Variants in AEBP2 observed in about 807,000 individuals in gnomAD.
AEBP2 encodes zinc finger protein AEBP2.
In AEBP2, 10 loss-of-function variants were observed where a neutral mutation model predicts 50.8. That is an observed-to-expected ratio of 0.20 (90% CI 0.12 to 0.33). The LOEUF (loss-of-function observed/expected upper bound fraction) is 0.33, where lower values mean the gene tolerates loss of function less well. AEBP2 is among the 10% of genes least tolerant of loss of function. The probability of loss-of-function intolerance (pLI) is 1.00; values close to 1 mark genes in which losing one functional copy is unlikely to be tolerated. For missense variants in AEBP2, 570 were observed against 688.0 expected (o/e 0.83, Z 1.92); for synonymous variants, 296 against 261.3 (o/e 1.13, Z -1.28).
In AEBP2 at chr12:19,521,379, G is replaced by C. The variant is rs775633634; in HGVS notation, c.*3262G>C. On this transcript the variant is annotated 3_prime_UTR_variant, in exon 8 of 8. Coordinates refer to ENST00000266508, the MANE Select transcript of AEBP2 (RefSeq NM_153207.5). Reference sequence around the variant, plus strand: ...CGGTGGGTTTTTAAAGTTATTAATAGTCCATCATTTCATCATTTGTGTTTC... The same window carrying C: ...CGGTGGGTTTTTAAAGTTATTAATACTCCATCATTTCATCATTTGTGTTTC... 8.5e-5 allele frequency: 13 copies of C among 152,052 alleles called. No homozygotes were observed. Among genetic ancestry groups the C allele is most frequent in the Admixed American group, 3.3e-4 (5 of 15,258 alleles). 9.4% of individuals were successfully genotyped at this position (152,052 alleles called of 1,614,324 possible).
At chr12:19,456,740 A>C (rs1185015451) in intron 1 of AEBP2, 11 of 1,590,152 alleles carry the variant, frequency 6.9e-6, no homozygotes, top group Non-Finnish European at 9.5e-6. Context: ...TTTCACTCAA[A>C]GCTTCATGGT....
At chr12:19,499,673 T>G (rs889986120) in intron 4 of AEBP2, among the ~76,000 whole-genome samples, 3 of 152,076 alleles carry the variant, frequency 2.0e-5, no homozygotes, top group Non-Finnish European at 4.4e-5. Context: ...TTGTACAATT[T>G]GAAATTACAT....
chr12:19,440,853 A>C, intron 1 of AEBP2: 2 of 1,163,160 alleles, frequency 1.7e-6, no homozygotes, highest in Non-Finnish European at 2.4e-6. Context: ...CCCAGCTATC[A>C]CTTTTCTCTA....
At chr12:19,431,277 A>T (rs117483292) in intron 1 of AEBP2, among the ~76,000 whole-genome samples, 3,406 of 152,334 alleles carry the variant, frequency 0.022, 48 homozygotes, top group East Asian at 0.043. Flanking sequence ...CACTTATTAA[A>T]TATTAAGTTT....
chr12:19,457,507 C>G (rs766849486), intron 1 of AEBP2: 15 of 1,489,718 alleles, frequency 1.0e-5, no homozygotes, highest in Admixed American at 4.0e-5. Flanking sequence ...TTTCCCATCT[C>G]AGCAGCCTCC....
chr12:19,516,766 C>T (rs1949324984), intron 7 of AEBP2, among the ~76,000 whole-genome samples: 1 of 152,128 alleles, frequency 6.6e-6, no homozygotes. Flanking sequence ...GTGGTTCACG[C>T]CCATTATCCC....
chr12:19,470,403 C>T (rs914191260), intron 2 of AEBP2, among the ~76,000 whole-genome samples: 2 of 152,160 alleles, frequency 1.3e-5, no homozygotes, highest in Non-Finnish European at 2.9e-5. Context: ...GTGATCCACC[C>T]ACCTCGGCCT....
At chr12:19,518,016 T>A in intron 7 of AEBP2, 71 bp from the exon 8 acceptor site, 1 of 1,368,588 alleles carries the variant, frequency 7.3e-7, no homozygotes, top group African/African-American at 1.5e-5. Context: ...TTAATATTTT[T>A]AATGTCTCTT....
chr12:19,486,572 A>T (rs7962833), intron 3 of AEBP2, among the ~76,000 whole-genome samples: 1 of 151,762 alleles, frequency 6.6e-6, no homozygotes, highest in African/African-American at 2.4e-5. Flanking sequence ...TTGTAGAGAG[A>T]GGGTTTTGCC....
chr12:19,453,428 CT>C lies in AEBP2; in HGVS notation c.672-9073del, dbSNP rs1275042466. Among the ~76,000 whole-genome samples the C allele has an allele frequency of 2.0e-5, 3 of 149,474 alleles. No individual in the cohort carries two copies. In the East Asian group the frequency reaches 6.0e-4, roughly 30 times the overall value. ...CCACTGTGCCTGACCTATATACTTT[CT>C]TTTTTTTTGAGAAGGAGTCTTGCTC... On this transcript the variant is annotated intron_variant, in intron 1 of 7. Transcript: ENST00000266508.
At chr12:19,454,163 T>TA (rs1186305124) in intron 1 of AEBP2, among the ~76,000 whole-genome samples, 14 of 152,162 alleles carry the variant, frequency 9.2e-5, no homozygotes, top group Admixed American at 9.2e-4. Context: ...GTGCTGGGAT[T>TA]AACAGATGTG....
intron 1 of AEBP2, among the ~76,000 whole-genome samples, chr12:19,417,523 C>A (rs1001379656): frequency 6.6e-6 from 1 of 152,108 alleles, no homozygotes; most frequent in African/African-American, 2.4e-5. Flanking sequence ...TCTCCTGCCT[C>A]AGCCTCCCAG....
chr12:19,470,624 A>G (rs111508528), intron 2 of AEBP2, among the ~76,000 whole-genome samples: 1,790 of 152,324 alleles, frequency 0.012, 39 homozygotes, highest in African/African-American at 0.041. Context: ...TATTCCATGT[A>G]GAGTCTAAAC....
chr12:19,458,418 A>G (rs1948311834), intron 1 of AEBP2, among the ~76,000 whole-genome samples: 1 of 152,182 alleles, frequency 6.6e-6, no homozygotes. Context: ...TGAGTGTTCC[A>G]GGACGTGCCT....
intron 1 of AEBP2, among the ~76,000 whole-genome samples, chr12:19,414,821 G>A (rs61914962): frequency 0.073 from 11,075 of 151,884 alleles, 468 homozygotes; most frequent in South Asian, 0.18. Flanking sequence ...TACTCAGGAG[G>A]CTGAGGCAGG....
intron 5 of AEBP2, 79 bp from the exon 6 acceptor site, chr12:19,512,319 C>T: frequency 9.8e-7 from 1 of 1,020,504 alleles, no homozygotes; most frequent in South Asian, 1.6e-5. Context: ...CGCGCCCAGC[C>T]CCAAAAGTGT....
intron 1 of AEBP2, among the ~76,000 whole-genome samples, chr12:19,442,844 C>T (rs189181856): frequency 6.6e-6 from 1 of 152,230 alleles, no homozygotes; most frequent in Non-Finnish European, 1.5e-5. Context: ...GAAAGGATCC[C>T]TAATTCTTAT....
chr12:19,435,608 T>C (rs1332475309), upstream of AEBP2, among the ~76,000 whole-genome samples: 1 of 152,170 alleles, frequency 6.6e-6, no homozygotes, highest in African/African-American at 2.4e-5. Context: ...CTTGCCATGA[T>C]TTCTTATGGT....
chr12:19,427,276 C>G (rs2153364915), intron 1 of AEBP2, among the ~76,000 whole-genome samples: 1 of 150,166 alleles, frequency 6.7e-6, no homozygotes, highest in East Asian at 2.0e-4. Flanking sequence ...ACTCTGGAAG[C>G]TGAGGCAGGA....
Sources: gnomAD v4.1 joint callset for allele counts (sites outside exome capture counted in the v4.1 genomes callset) on GRCh38, gnomAD v4.1.1 for gene constraint, MANE v1.5 for transcripts, NCBI Gene and HGNC (gene_info 2026-07-23, HGNC 2026-07-21) for gene names.